The following PRTG variants were observed in gnomAD, a reference collection of about 807,000 sequenced individuals.
PRTG encodes immunoglobulin superfamily, DCC subclass, member 5.
In PRTG, 67 loss-of-function variants were observed where a neutral mutation model predicts 122.5. The observed-to-expected ratio is 0.55, with a 90% confidence interval of 0.45 to 0.67. The LOEUF (loss-of-function observed/expected upper bound fraction) is 0.67, where lower values mean the gene tolerates loss of function less well. Among genes scored for constraint, PRTG ranks in the 30% least tolerant of loss-of-function variants. The pLI is 0.00. For missense variants in PRTG, 1,435 were observed against 1,415.4 expected (o/e 1.01, Z -0.22); for synonymous variants, 554 against 501.1 (o/e 1.11, Z -1.41).
At chr15:55,662,117 T>C (rs957409949) in intron 11 of PRTG, among the ~76,000 whole-genome samples, 11 of 152,208 alleles carry the variant, frequency 7.2e-5, no homozygotes, top group African/African-American at 2.7e-4. Context: ...TTCTTAAAGA[T>C]GGTGAAAAAA....
chr15:55,669,659 G>C (rs1487551149), intron 11 of PRTG, among the ~76,000 whole-genome samples: 3 of 152,188 alleles, frequency 2.0e-5, no homozygotes, highest in East Asian at 1.9e-4. Flanking sequence ...AAGATTAAAA[G>C]GCATCTTAAA....
intron 9 of PRTG, 106 bp from the exon 10 acceptor site, chr15:55,673,782 G>A: frequency 3.6e-6 from 3 of 839,646 alleles, no homozygotes; most frequent in Non-Finnish European, 5.6e-6. Context: ...ATAAAGAAGA[G>A]ACACTTTCAG....
Position 55,620,182 on chromosome 15 carries a change from G to T in PRTG, c.3283C>A (p.Pro1095Thr). 1 of 1,614,148 alleles carries T rather than the reference G, an allele frequency of 6.2e-7. No individual in the cohort carries two copies. The highest frequency in any genetic ancestry group is 8.5e-7 in the Non-Finnish European group (1 of 1,180,026). Residue 1095 changes from proline (P) to threonine (T), a missense_variant, in exon 20 of 20, where the codon CCA (proline) becomes ACA (threonine). By Grantham distance (38) the Pro-to-Thr change is conservative (BLOSUM62 -1). Coordinates refer to ENST00000389286, the MANE Select transcript of PRTG (RefSeq NM_173814.6). ...LISDEDSPSS[P>T]GQTTSFSRPF... is the part of the protein sequence containing the mutation. ...CTTGAGAAGCTGGTTGTCTGACCTGGGGAGCTAGGGGAGTCTTCATCACTG... is the reference window on the plus strand; with the variant it reads ...CTTGAGAAGCTGGTTGTCTGACCTGTGGAGCTAGGGGAGTCTTCATCACTG...
chr15:55,665,037 T>A (rs2059430881), intron 11 of PRTG, among the ~76,000 whole-genome samples: 1 of 151,704 alleles, frequency 6.6e-6, no homozygotes, highest in African/African-American at 2.4e-5. Context: ...GGCGGGTGGA[T>A]CACGAGGTCA....
chr15:55,715,855 C>G (rs569712339), intron 2 of PRTG, among the ~76,000 whole-genome samples: 2 of 152,170 alleles, frequency 1.3e-5, no homozygotes, highest in Non-Finnish European at 2.9e-5. Flanking sequence ...CTAAGAGAAA[C>G]TTTGTGATAA....
rs771300429 is a variant in PRTG, at chr15:55,740,492, C to T, written c.287G>A (p.Ser96Asn). Residue 96 changes from serine (S) to asparagine (N), a missense_variant, in exon 2 of 20, where the codon AGT becomes AAT. By Grantham distance (46) the Ser-to-Asn change is conservative (BLOSUM62 1). Coordinates refer to ENST00000389286, the MANE Select transcript of PRTG (RefSeq NM_173814.6). The stretch of plus-strand genomic sequence containing the variant: ...CTCTCCTCGCCTGCCTTCCACCTCA[C>T]TGATGTATAAAGAGCCGTTAGAAAG... ...EVLSNGSLYISEVEGRRGEQS... is the reference protein window; with the variant it reads ...EVLSNGSLYINEVEGRRGEQS... 5 of 1,614,066 alleles carry T rather than the reference C, an allele frequency of 3.1e-6. No individual in the cohort carries two copies. The highest frequency in any genetic ancestry group is 4.2e-6 in the Non-Finnish European group (5 of 1,180,040).
chr15:55,644,846 C>T (rs1263169401), intron 11 of PRTG, among the ~76,000 whole-genome samples: 2 of 152,078 alleles, frequency 1.3e-5, no homozygotes, highest in African/African-American at 2.4e-5. Flanking sequence ...ATAGGACATA[C>T]TATATGGAAA....
chr15:55,726,906 C>T (rs1294004252), intron 2 of PRTG, among the ~76,000 whole-genome samples: 1 of 150,674 alleles, frequency 6.6e-6, no homozygotes, highest in Non-Finnish European at 1.5e-5. Context: ...CGAGATCACG[C>T]CACTGCATTC....
At chr15:55,715,137 TTTAA>T (rs2030552386) in intron 2 of PRTG, among the ~76,000 whole-genome samples, 1 of 152,246 alleles carries the variant, frequency 6.6e-6, no homozygotes, top group Admixed American at 6.5e-5. Context: ...GTATCTATTG[TTTAA>T]TTAAGGCTAC....
chr15:55,737,298 CT>C (rs529766139), intron 2 of PRTG, among the ~76,000 whole-genome samples: 1 of 152,282 alleles, frequency 6.6e-6, no homozygotes, highest in East Asian at 1.9e-4. Flanking sequence ...AAAGGATTAT[CT>C]TTTTTTAAAG....
rs1241365510 is a variant in PRTG at position 55,723,756 on chromosome 15, T to TC, written c.397+16625_397+16626insG. 2.1e-4 allele frequency among the ~76,000 whole-genome samples: 30 copies of TC among 140,300 alleles called. No individual in the cohort carries two copies. In the South Asian group the frequency reaches 4.8e-3, roughly 22 times the overall value. The allele number at this position is 140,300 out of a possible 152,430, so 92.0% of individuals were successfully genotyped here. On this transcript the variant is annotated intron_variant, in intron 2 of 19. Transcript: ENST00000389286. ...AGCCATATTCTTTTCTTTTTTCTTT[T>TC]TTTTTTTTTTTTTGAGTTGGAGTCT...
At chr15:55,639,940 TTCCACC>T (rs2059280378) in intron 12 of PRTG, 112 bp from the exon 13 acceptor site, 2 of 1,484,538 alleles carry the variant, frequency 1.3e-6, no homozygotes, top group East Asian at 4.9e-5. Context: ...TAGGTCTTTC[TTCCACC>T]AGAGATTCAT....
At chr15:55,695,120 T>C (rs2059625229) in intron 2 of PRTG, among the ~76,000 whole-genome samples, 1 of 152,164 alleles carries the variant, frequency 6.6e-6, no homozygotes. Flanking sequence ...CTATGATTTA[T>C]AGTCAGAAAA....
chr15:55,704,514 A>G lies in PRTG; in HGVS notation c.398-20583T>C, dbSNP rs375848910. ...ATTAAATTATTTGTTGATAAACATT[A>G]TAGCATTGTTCTTCATCGTTTTATA... On this transcript the variant is annotated intron_variant, in intron 2 of 19. Transcript: ENST00000389286. Among the ~76,000 whole-genome samples the G allele has an allele frequency of 1.4e-4, 22 of 152,310 alleles. No homozygotes were observed. The South Asian group carries it at 4.4e-3, about 30-fold the overall frequency.
At position 55,614,109 on chromosome 15, in the gene PRTG, A is replaced by T. The variant is rs2059132162; in HGVS notation, c.*5903T>A. 1 of 152,022 alleles carries T rather than the reference A, an allele frequency of 6.6e-6. No individual in the cohort carries two copies. The highest frequency in any genetic ancestry group is 1.5e-5 in the Non-Finnish European group (1 of 67,974). The allele number at this position is 152,022 out of a possible 1,614,324, so 9.4% of individuals were successfully genotyped here. ...TCTCATAATGGAGACAGCTTTATCG[A>T]TTTAGTTGAAGAAATGCTGAAAATT... is the stretch of plus-strand genomic sequence containing the variant. On this transcript the variant is annotated 3_prime_UTR_variant, in exon 20 of 20. Transcript: ENST00000389286.
intron 19 of PRTG, 26 bp downstream of exon 19, chr15:55,620,637 A>T: frequency 2.6e-6 from 4 of 1,563,046 alleles, no homozygotes; most frequent in Non-Finnish European, 3.4e-6. Context: ...GCATTGCCAA[A>T]AATTTTTCTC....
chr15:55,656,952 G>C (rs1232941600), intron 11 of PRTG, among the ~76,000 whole-genome samples: 1 of 152,208 alleles, frequency 6.6e-6, no homozygotes, highest in African/African-American at 2.4e-5. Flanking sequence ...CAGACTTCTA[G>C]TAAGATTTCT....
At position 55,619,910 on chromosome 15, in the gene PRTG, T is replaced by C. The variant is rs2059156759; in HGVS notation, c.*102A>G. On this transcript the variant is annotated 3_prime_UTR_variant, in exon 20 of 20. Transcript: ENST00000389286. ...AAAGCATAGCATGGCAGATGGCGGCTGCAGAACTAAGGAGGAAGTCTGCTC... is the reference window on the plus strand; with the variant it reads ...AAAGCATAGCATGGCAGATGGCGGCCGCAGAACTAAGGAGGAAGTCTGCTC... The C allele has an allele frequency of 7.2e-6, 11 of 1,537,930 alleles. No individual in the cohort carries two copies. The highest frequency in any genetic ancestry group is 9.6e-6 in the Non-Finnish European group (11 of 1,142,942).
intron 2 of PRTG, chr15:55,738,519 A>G (rs1430198289): frequency 1.4e-6 from 1 of 701,808 alleles, no homozygotes; most frequent in Non-Finnish European, 2.6e-6. Context: ...AAGATAAGTT[A>G]CAGTTCCTGA....
Sources: gnomAD v4.1 joint callset for allele counts (sites outside exome capture counted in the v4.1 genomes callset) on GRCh38, gnomAD v4.1.1 for gene constraint, MANE v1.5 for transcripts, NCBI Gene and HGNC (gene_info 2026-07-23, HGNC 2026-07-21) for gene names.